OXR1: variants seen among roughly 807,000 people sequenced by gnomAD.
OXR1 encodes the protein oxidation resistance protein 1.
A neutral mutation model predicts 104.6 loss-of-function variants in OXR1; 41 were observed. The observed-to-expected ratio is 0.39, with a 90% CI of 0.31 to 0.51. OXR1 has a LOEUF of 0.51. OXR1 is among the 20% of genes least tolerant of loss of function. The probability of loss-of-function intolerance (pLI) is 0.77; values close to 1 mark genes in which losing one functional copy is unlikely to be tolerated. For missense variants in OXR1, 955 were observed against 1,031.9 expected, an observed-to-expected ratio of 0.93 and a Z score of 1.02; for synonymous variants, 348 against 348.4, an observed-to-expected ratio of 1.00 and a Z score of 0.01.
At chr8:106,499,928 C>T (rs1811672127) in intron 2 of OXR1, among the ~76,000 whole-genome samples, 1 of 152,194 alleles carries the variant, frequency 6.6e-6, no homozygotes, top group Non-Finnish European at 1.5e-5. Context: ...AGCAGCATTT[C>T]TGTGGCCTGT....
At chr8:106,729,205 G>A (rs1433857474) in intron 11 of OXR1, among the ~76,000 whole-genome samples, 1 of 151,984 alleles carries the variant, frequency 6.6e-6, no homozygotes, top group Non-Finnish European at 1.5e-5. Flanking sequence ...CATTTTACAA[G>A]TGAAAAAACA....
At chr8:106,727,111 T>C (rs1354264175) in intron 11 of OXR1, among the ~76,000 whole-genome samples, 1 of 152,168 alleles carries the variant, frequency 6.6e-6, no homozygotes, top group African/African-American at 2.4e-5. Flanking sequence ...ATATGTTACA[T>C]CAGCACAGAG....
chr8:106,393,930 G>A (rs976165677), intron 2 of OXR1, among the ~76,000 whole-genome samples: 1 of 151,968 alleles, frequency 6.6e-6, no homozygotes, highest in Admixed American at 6.6e-5. Flanking sequence ...CAAGGAAAAG[G>A]TGATACTTCT....
intron 3 of OXR1, among the ~76,000 whole-genome samples, chr8:106,620,148 G>A (rs571799438): frequency 2.0e-5 from 3 of 152,220 alleles, no homozygotes; most frequent in Admixed American, 6.5e-5. Flanking sequence ...AGTGCTTATC[G>A]ATTGTCTAGT....
At chr8:106,749,251 G>A (rs1207156683) in intron 16 of OXR1, among the ~76,000 whole-genome samples, 2 of 151,492 alleles carry the variant, frequency 1.3e-5, no homozygotes, top group South Asian at 4.2e-4. Context: ...GCTAAGGCAG[G>A]AGAATGGCGT....
At chr8:106,684,474 T>C in intron 6 of OXR1, 115 bp downstream of exon 6, 1 of 628,688 alleles carries the variant, frequency 1.6e-6, no homozygotes, top group Non-Finnish European at 2.8e-6. Flanking sequence ...ATTTCCTTTT[T>C]ATTTTGTTGC....
At chr8:106,368,771 T>C (rs1402076313) in intron 2 of OXR1, among the ~76,000 whole-genome samples, 1 of 152,232 alleles carries the variant, frequency 6.6e-6, no homozygotes, top group Non-Finnish European at 1.5e-5. Flanking sequence ...GTGGTGTATA[T>C]GTACCATGAT....
At chr8:106,502,376 A>G (rs1472073239) in intron 2 of OXR1, among the ~76,000 whole-genome samples, 1 of 152,226 alleles carries the variant, frequency 6.6e-6, no homozygotes, top group East Asian at 1.9e-4. Flanking sequence ...ATAGAAAGAT[A>G]GAGACAGGAA....
Position 106,697,622 on chromosome 8 carries a change from T to A in OXR1, c.675+4745T>A, listed in dbSNP as rs1441923670. The A allele has an allele frequency of 3.7e-6, 6 of 1,613,426 alleles. No homozygotes were observed. The Admixed American group carries it at 6.7e-5, about 18-fold the overall frequency. On this transcript the variant is annotated intron_variant, in intron 7 of 16. Coordinates refer to ENST00000517566, the MANE Select transcript of OXR1 (RefSeq NM_001198533.2). ...CAGGCTACTGCCAACCCACCCAGAT[T>A]CCTCAGCGTCCGCTGCACACAGGCC... is the stretch of plus-strand genomic sequence containing the variant.
At chr8:106,521,522 T>TTGC (rs1813258717) in intron 3 of OXR1, among the ~76,000 whole-genome samples, 2 of 151,614 alleles carry the variant, frequency 1.3e-5, no homozygotes, top group South Asian at 4.2e-4. Context: ...TGGAGGAGTG[T>TTGC]TGTTGTTTGA....
chr8:106,698,480 G>A (rs1356945279), intron 7 of OXR1, among the ~76,000 whole-genome samples: 1 of 151,882 alleles, frequency 6.6e-6, no homozygotes, highest in Admixed American at 6.6e-5. Flanking sequence ...AATATTTTTT[G>A]CCTCCCATCC....
At chr8:106,439,188 T>C (rs1259665680) in intron 2 of OXR1, among the ~76,000 whole-genome samples, 1 of 152,200 alleles carries the variant, frequency 6.6e-6, no homozygotes, top group East Asian at 1.9e-4. Flanking sequence ...TGGGGGCCTT[T>C]GAGAGGCAAT....
intron 3 of OXR1, among the ~76,000 whole-genome samples, chr8:106,521,928 C>T (rs918814800): frequency 6.6e-6 from 1 of 152,156 alleles, no homozygotes; most frequent in Non-Finnish European, 1.5e-5. Context: ...CCAATATGCT[C>T]ATTCATTGAA....
At position 106,751,736 on chromosome 8, in the gene OXR1, A is replaced by G; in HGVS notation, c.*795A>G. Reference sequence around the variant, plus strand: ...ATGTGTAGCTTAGTAAGGCATTAACATAAGTACAAAAACTATGAAACAGAT... The same window carrying G: ...ATGTGTAGCTTAGTAAGGCATTAACGTAAGTACAAAAACTATGAAACAGAT... On this transcript the variant is annotated 3_prime_UTR_variant, in exon 17 of 17. Coordinates refer to ENST00000517566, the MANE Select transcript of OXR1 (RefSeq NM_001198533.2). 6.6e-6 allele frequency: 1 copy of G among 152,602 alleles called. No individual in the cohort carries two copies. The highest frequency in any genetic ancestry group is 1.5e-5 in the Non-Finnish European group (1 of 67,972). 9.5% of individuals were successfully genotyped at this position (152,602 alleles called of 1,614,324 possible). A position where few individuals can be genotyped will look rare whatever the true frequency, so the allele number is the denominator to read the frequency against.
chr8:106,550,672 C>T (rs1370102521), intron 3 of OXR1, among the ~76,000 whole-genome samples: 1 of 152,122 alleles, frequency 6.6e-6, no homozygotes, highest in Non-Finnish European at 1.5e-5. Flanking sequence ...CTTGATCATT[C>T]TCTCTCACCT....
chr8:106,720,655 C>T, intron 11 of OXR1: 3 of 817,632 alleles, frequency 3.7e-6, no homozygotes, highest in Non-Finnish European at 4.4e-6. Flanking sequence ...TTGATGTTGT[C>T]ATAGCTCCCT....
At chr8:106,330,328 T>C (rs1015976734) in intron 1 of OXR1, among the ~76,000 whole-genome samples, 4 of 152,150 alleles carry the variant, frequency 2.6e-5, no homozygotes, top group Non-Finnish European at 4.4e-5. Context: ...AGAAGCCTCA[T>C]TGAAGGAAAC....
chr8:106,517,220 G>T (rs1256795177), intron 2 of OXR1, among the ~76,000 whole-genome samples: 1 of 152,086 alleles, frequency 6.6e-6, no homozygotes, highest in East Asian at 1.9e-4. Flanking sequence ...CCAATGTTTA[G>T]CCTACCATTT....
chr8:106,549,430 G>A (rs79763897), intron 3 of OXR1, among the ~76,000 whole-genome samples: 7,235 of 152,144 alleles, frequency 0.048, 612 homozygotes, highest in African/African-American at 0.16. Flanking sequence ...AAATATGTAT[G>A]AACACAATTT....
Sources: allele counts gnomAD v4.1 joint callset (sites outside exome capture counted in the v4.1 genomes callset), GRCh38; gene constraint gnomAD v4.1.1; transcripts MANE v1.5; gene names NCBI Gene and HGNC (gene_info 2026-07-23, HGNC 2026-07-21).